Variants in COL13A1 observed in about 807,000 individuals in gnomAD.
COL13A1 encodes collagen alpha-1(XIII) chain.
A neutral mutation model predicts 130.9 loss-of-function variants in COL13A1; 89 were observed. That is an observed-to-expected ratio of 0.68 (90% CI 0.57 to 0.81). The LOEUF (loss-of-function observed/expected upper bound fraction) is 0.81. Ranked by LOEUF, COL13A1 falls within the 30% of genes least tolerant of loss-of-function variation. The probability of loss-of-function intolerance (pLI) is 0.00; values close to 1 mark genes in which losing one functional copy is unlikely to be tolerated. For synonymous variants in COL13A1, 402 were observed against 341.6 expected (o/e 1.18, Z -1.95); for missense variants, 879 against 934.6 (o/e 0.94, Z 0.78).
chr10:69,803,205 G>T (rs1472817631), intron 1 of COL13A1, among the ~76,000 whole-genome samples: 1 of 152,362 alleles, frequency 6.6e-6, no homozygotes, highest in Admixed American at 6.5e-5. Flanking sequence ...CTTGCAGGGG[G>T]TGGTGCCCTG....
intron 13 of COL13A1, 121 bp from the exon 14 acceptor site, chr10:69,898,576 C>A: frequency 1.4e-6 from 1 of 716,532 alleles, no homozygotes; most frequent in Non-Finnish European, 2.3e-6. Flanking sequence ...TCTCTCTTCT[C>A]TCTTCCTCTG....
At chr10:69,872,245 T>G (rs371521320) in intron 4 of COL13A1, 35 bp downstream of exon 4, 1 of 1,613,214 alleles carries the variant, frequency 6.2e-7, no homozygotes, top group African/African-American at 1.3e-5. Flanking sequence ...CCTTTGCATC[T>G]CTTTTACGTG....
chr10:69,927,985 C>T (rs961159205), intron 27 of COL13A1, among the ~76,000 whole-genome samples: 2 of 152,174 alleles, frequency 1.3e-5, no homozygotes, highest in Non-Finnish European at 2.9e-5. Flanking sequence ...CATGGTGTCT[C>T]TACTAAAAAT....
chr10:69,808,516 A>G (rs1222823437), intron 1 of COL13A1, among the ~76,000 whole-genome samples: 1 of 152,220 alleles, frequency 6.6e-6, no homozygotes, highest in African/African-American at 2.4e-5. Context: ...CAGCCTAGGT[A>G]GGCCTCGGAA....
At chr10:69,907,680 T>C (rs1260968406) in intron 17 of COL13A1, among the ~76,000 whole-genome samples, 3 of 151,102 alleles carry the variant, frequency 2.0e-5, no homozygotes, top group Non-Finnish European at 4.4e-5. Context: ...CCACAATAAC[T>C]AACCCACTCT....
chr10:69,815,591 T>A (rs2132405273), intron 1 of COL13A1, among the ~76,000 whole-genome samples: 1 of 152,212 alleles, frequency 6.6e-6, no homozygotes, highest in East Asian at 1.9e-4. Flanking sequence ...AAGCTGGCTT[T>A]GGAGAGAGAG....
At chr10:69,955,165 CTG>C (rs1476120515) in intron 39 of COL13A1, 3 of 152,226 alleles carry the variant, frequency 2.0e-5, no homozygotes, top group Non-Finnish European at 4.4e-5. Flanking sequence ...AGAAATTATG[CTG>C]TGTGACCCTG....
rs1554908677 is a variant in COL13A1 at position 69,864,320 on chromosome 10, T to TTGATTGAA, written c.365-3475_365-3474insTTGAATGA. The stretch of plus-strand genomic sequence containing the variant: ...ATAATGAGCACTCAGTAAATGTCGA[T>TTGATTGAA]TGAATGAATGAAGGAATGAAAAAAT... On this transcript the variant is annotated intron_variant, in intron 2 of 40. Transcript: ENST00000645393. Among the ~76,000 whole-genome samples, 11 of 151,710 alleles carry TTGATTGAA rather than the reference T, an allele frequency of 7.3e-5. No individual in the cohort carries two copies. The South Asian group carries it at 1.9e-3, about 26-fold the overall frequency.
chr10:69,899,580 T>C (rs552135155), intron 14 of COL13A1, among the ~76,000 whole-genome samples: 2 of 152,296 alleles, frequency 1.3e-5, no homozygotes, highest in East Asian at 3.9e-4. Flanking sequence ...TAACCTGAGT[T>C]TGGGGAGCAA....
intron 2 of COL13A1, among the ~76,000 whole-genome samples, chr10:69,845,383 G>A (rs1852744129): frequency 6.6e-6 from 1 of 152,002 alleles, no homozygotes; most frequent in African/African-American, 2.4e-5. Context: ...AGTAGAGACA[G>A]GGATTCACCA....
chr10:69,953,806 G>A (rs2070085884), intron 39 of COL13A1: 1 of 152,802 alleles, frequency 6.5e-6, no homozygotes, highest in South Asian at 2.1e-4. Context: ...GGGAGATGGG[G>A]GATCACCTGG....
chr10:69,875,302 G>A, intron 5 of COL13A1, 139 bp downstream of exon 5: 1 of 1,010,862 alleles, frequency 9.9e-7, no homozygotes, highest in South Asian at 1.4e-5. Context: ...AAGCCCCAGT[G>A]TGCTTTAGGG....
In COL13A1 at chr10:69,930,044, G is replaced by A. The variant is rs1268909528; in HGVS notation, c.1487G>A (p.Gly496Glu). ...PGAPGIPGQKGEIGLPGPPGH... is the reference protein window; with the variant it reads ...PGAPGIPGQKEEIGLPGPPGH... ...CACCTTTAGTTGTTCCGGTTACAGGGGGAGATTGGACTGCCAGGCCCTCCA... is the reference window on the plus strand; with the variant it reads ...CACCTTTAGTTGTTCCGGTTACAGGAGGAGATTGGACTGCCAGGCCCTCCA... The change falls in exon 29 of 41, where the codon GGG (glycine) becomes GAG (glutamate). Residue 496 changes from glycine to glutamate, a missense_variant and splice_region_variant. Around this residue, in one of 3 missense-constraint regions of COL13A1, gnomAD observed 715 missense variants for 721.0 expected, o/e 0.99. Transcript: ENST00000645393. 1.2e-6 allele frequency: 2 copies of A among 1,613,954 alleles called. No homozygotes were observed. The highest frequency in any genetic ancestry group is 2.2e-5 in the South Asian group (2 of 91,074).
chr10:69,846,245 G>C (rs981563768), intron 2 of COL13A1, among the ~76,000 whole-genome samples: 1 of 152,200 alleles, frequency 6.6e-6, no homozygotes, highest in Non-Finnish European at 1.5e-5. Flanking sequence ...CCAAGACAGG[G>C]TCCTGGATGA....
intron 15 of COL13A1, 119 bp downstream of exon 15, chr10:69,902,974 G>A: frequency 2.8e-6 from 2 of 723,984 alleles, no homozygotes; most frequent in Non-Finnish European, 4.3e-6. Context: ...CAGGGCCATT[G>A]GATGTGGGTG....
intron 2 of COL13A1, among the ~76,000 whole-genome samples, chr10:69,825,053 C>T (rs916605879): frequency 6.6e-6 from 1 of 152,176 alleles, no homozygotes; most frequent in African/African-American, 2.4e-5. Flanking sequence ...ACAGTAACCT[C>T]CTCAACAGCA....
intron 39 of COL13A1, chr10:69,954,864 C>T (rs1386278717): frequency 6.6e-6 from 1 of 152,438 alleles, no homozygotes; most frequent in East Asian, 1.9e-4. Flanking sequence ...AGCTAAGGAC[C>T]TCTCTTCCAA....
chr10:69,817,378 C>T (rs529150321), intron 1 of COL13A1, among the ~76,000 whole-genome samples: 6 of 151,308 alleles, frequency 4.0e-5, no homozygotes, highest in African/African-American at 1.5e-4. Context: ...AAGCCCTCTT[C>T]TGCTTGCTTT....
At chr10:69,889,057 G>A (rs1312364989) in intron 9 of COL13A1, among the ~76,000 whole-genome samples, 1 of 152,218 alleles carries the variant, frequency 6.6e-6, no homozygotes, top group African/African-American at 2.4e-5. Flanking sequence ...GCTAAGTGCA[G>A]CCCAGGGGTG....
Sources: gnomAD v4.1 joint callset for allele counts (sites outside exome capture counted in the v4.1 genomes callset) on GRCh38, gnomAD v4.1.1 for gene constraint, gnomAD v4.1.1 regional missense constraint, MANE v1.5 for transcripts, NCBI Gene and HGNC (gene_info 2026-07-23, HGNC 2026-07-21) for gene names.